Variants in ARHGEF3 observed in about 807,000 individuals in gnomAD.
ARHGEF3 encodes the protein 59.8 kDA protein.
Under a neutral mutation model 63.2 loss-of-function variants are expected in ARHGEF3, and 28 were observed. That is an observed-to-expected ratio of 0.44 (90% CI 0.33 to 0.61). The LOEUF (loss-of-function observed/expected upper bound fraction) is 0.61, where lower values mean the gene tolerates loss of function less well. ARHGEF3 is among the 20% of genes least tolerant of loss of function. The probability of loss-of-function intolerance (pLI) is 0.03; values close to 1 mark genes in which losing one functional copy is unlikely to be tolerated. For synonymous variants in ARHGEF3, 266 were observed against 254.2 expected (o/e 1.05, Z -0.44); for missense variants, 533 against 659.3 (o/e 0.81, Z 2.10).
intron 2 of ARHGEF3, among the ~76,000 whole-genome samples, chr3:56,756,908 A>C (rs1436696379): frequency 2.0e-5 from 3 of 152,156 alleles, no homozygotes; most frequent in Non-Finnish European, 2.9e-5. Context: ...TCCTCTAAGA[A>C]GTCTTCACCA....
chr3:56,729,670 C>T (rs2032978648), intron 9 of ARHGEF3, 48 bp from the exon 10 acceptor site: 4 of 1,477,772 alleles, frequency 2.7e-6, no homozygotes. Flanking sequence ...ACAGATCCTT[C>T]CTCAGGCCAA....
At chr3:56,930,900 G>A (rs2042393722) in intron 3 of ARHGEF3, among the ~76,000 whole-genome samples, 1 of 152,180 alleles carries the variant, frequency 6.6e-6, no homozygotes, top group African/African-American at 2.4e-5. Context: ...GGTATCAGGA[G>A]AAAAGAAAGA....
At chr3:56,852,876 T>C (rs1325314875) in intron 4 of ARHGEF3, among the ~76,000 whole-genome samples, 1 of 152,136 alleles carries the variant, frequency 6.6e-6, no homozygotes, top group Admixed American at 6.5e-5. Flanking sequence ...ACTAGAATTA[T>C]TCCTTCCAAA....
At chr3:56,801,958 G>A (rs1578555396), upstream of ARHGEF3, 1 of 1,518,960 alleles carries the variant, frequency 6.6e-7, no homozygotes, top group Non-Finnish European at 8.8e-7. Flanking sequence ...CTGGGCTCCG[G>A]AGCCGAGTGG....
intron 2 of ARHGEF3, among the ~76,000 whole-genome samples, chr3:56,969,693 C>T (rs1225568048): frequency 6.7e-6 from 1 of 148,748 alleles, no homozygotes; most frequent in African/African-American, 2.5e-5. Context: ...ATTGCTTGAA[C>T]CAGGGACCGA....
At chr3:56,906,373 T>C (rs769122837) in intron 3 of ARHGEF3, among the ~76,000 whole-genome samples, 1 of 152,224 alleles carries the variant, frequency 6.6e-6, no homozygotes, top group Non-Finnish European at 1.5e-5. Context: ...GGATCCGCAG[T>C]GTCCGATGGC....
At position 57,017,481 on chromosome 3, in the gene ARHGEF3, G is replaced by A. The variant is rs909197601; in HGVS notation, c.62+17607C>T. Among the ~76,000 whole-genome samples the A allele has an allele frequency of 3.3e-5, 5 of 152,128 alleles. No individual in the cohort carries two copies. The East Asian group carries it at 7.7e-4, about 23-fold the overall frequency. On this transcript the variant is annotated intron_variant, in intron 2 of 12. Coordinates refer to the ARHGEF3 transcript ENST00000338458. ...GGGCCAATTGAGAGCTAAAAGGAGC[G>A]TTTTTCAAAATAAAAAGGCCGAGCC...
chr3:57,062,514 G>A (rs766712245), intron 1 of ARHGEF3, among the ~76,000 whole-genome samples: 1 of 152,160 alleles, frequency 6.6e-6, no homozygotes, highest in Non-Finnish European at 1.5e-5. Context: ...AAGGAAGCAG[G>A]GCAAGTGCCC....
chr3:56,966,308 T>C (rs867759271), intron 2 of ARHGEF3, among the ~76,000 whole-genome samples: 1 of 152,222 alleles, frequency 6.6e-6, no homozygotes, highest in African/African-American at 2.4e-5. Context: ...GGTCTGTATA[T>C]GTAGGATGAG....
Position 56,960,302 on chromosome 3 carries a change from C to T in ARHGEF3, c.63-1413G>A, listed in dbSNP as rs558913388. ...ATTTTATAGATAAGAGCACTGACGC[C>T]TAGGGATATTAAGTGCTTTGATTCT... is the stretch of plus-strand genomic sequence containing the variant. On this transcript the variant is annotated intron_variant, in intron 2 of 12. Transcript: ENST00000338458. Among the ~76,000 whole-genome samples the T allele has an allele frequency of 1.1e-4, 17 of 152,246 alleles. No homozygotes were observed. The South Asian group carries it at 3.5e-3, about 32-fold the overall frequency.
chr3:56,881,738 C>G (rs533045761), intron 4 of ARHGEF3, among the ~76,000 whole-genome samples: 1 of 152,254 alleles, frequency 6.6e-6, no homozygotes, highest in African/African-American at 2.4e-5. Context: ...TTATTTGACC[C>G]CCTCCCAAAT....
At chr3:57,058,628 C>A (rs1404003623) in intron 1 of ARHGEF3, among the ~76,000 whole-genome samples, 2 of 152,110 alleles carry the variant, frequency 1.3e-5, no homozygotes, top group Admixed American at 6.6e-5. Context: ...TTTGACCCAG[C>A]CATCCCACTA....
At chr3:56,971,698 A>C (rs1405630609) in intron 2 of ARHGEF3, among the ~76,000 whole-genome samples, 2 of 151,730 alleles carry the variant, frequency 1.3e-5, no homozygotes, top group Non-Finnish European at 2.9e-5. Context: ...AAAAATACAA[A>C]AAAAAAATTA....
intron 3 of ARHGEF3, among the ~76,000 whole-genome samples, chr3:56,934,902 T>C (rs1396673161): frequency 6.6e-6 from 1 of 152,240 alleles, no homozygotes; most frequent in Non-Finnish European, 1.5e-5. Flanking sequence ...CGCTGCGGGA[T>C]CCACTAGGTG....
intron 3 of ARHGEF3, among the ~76,000 whole-genome samples, chr3:56,917,776 AC>A (rs1329311823): frequency 6.6e-6 from 1 of 152,322 alleles, no homozygotes; most frequent in East Asian, 1.9e-4. Context: ...GACACCAAGT[AC>A]TTTAATAGGT....
At chr3:57,002,786 T>C (rs1280430936) in intron 2 of ARHGEF3, among the ~76,000 whole-genome samples, 3 of 148,632 alleles carry the variant, frequency 2.0e-5, no homozygotes, top group South Asian at 2.1e-4. Context: ...TCTTTTTTTT[T>C]TTTTTTGAGA....
At chr3:56,838,770 A>G (rs139896283) in intron 4 of ARHGEF3, among the ~76,000 whole-genome samples, 14 of 149,618 alleles carry the variant, frequency 9.4e-5, no homozygotes, top group African/African-American at 3.5e-4. Context: ...CCAAGAGATC[A>G]ACACACTATA....
intron 2 of ARHGEF3, among the ~76,000 whole-genome samples, chr3:56,979,335 T>C (rs139392236): frequency 6.6e-6 from 1 of 152,378 alleles, no homozygotes; most frequent in East Asian, 1.9e-4. Flanking sequence ...TATATTCAAC[T>C]GTTTGCCCTG....
chr3:56,860,879 G>A, intron 4 of ARHGEF3, among the ~76,000 whole-genome samples: 1 of 152,180 alleles, frequency 6.6e-6, no homozygotes, highest in African/African-American at 2.4e-5. Flanking sequence ...GCAATGGTCA[G>A]CTGTAAGGAA....
Sources: allele counts gnomAD v4.1 joint callset (sites outside exome capture counted in the v4.1 genomes callset), GRCh38; gene constraint gnomAD v4.1.1; transcripts MANE v1.5; gene names NCBI Gene and HGNC (gene_info 2026-07-23, HGNC 2026-07-21).